The following CFI variants were observed in gnomAD, a reference collection of about 807,000 sequenced individuals.
CFI encodes C3B/C4B inactivator.
In CFI, 66 loss-of-function variants were observed where a neutral mutation model predicts 78.8. The ratio of observed to expected loss-of-function variants is 0.84; its 90% confidence interval spans 0.69 to 1.03. CFI has a LOEUF of 1.03. Among genes scored for constraint, CFI ranks in the 50% least tolerant of loss-of-function variants. The probability of loss-of-function intolerance (pLI) is 0.00; values close to 1 mark genes in which losing one functional copy is unlikely to be tolerated. For missense variants in CFI, 706 were observed against 704.5 expected (o/e 1.00, Z -0.02); for synonymous variants, 250 against 232.6 (o/e 1.07, Z -0.68).
intron 1 of CFI, among the ~76,000 whole-genome samples, chr4:109,783,761 C>T (rs965387580): frequency 3.4e-5 from 5 of 148,692 alleles, no homozygotes; most frequent in Admixed American, 6.9e-5. Flanking sequence ...ATTGCAAAAT[C>T]GCAGAGCCAA....
intron 2 of CFI, among the ~76,000 whole-genome samples, chr4:109,764,986 G>A (rs985604858): frequency 6.6e-6 from 1 of 152,192 alleles, no homozygotes; most frequent in African/African-American, 2.4e-5. Context: ...TGGCCCAAGT[G>A]ATGAAGCCAG....
the CFI span, among the ~76,000 whole-genome samples, chr4:109,734,889 T>A: frequency 6.6e-6 from 1 of 152,222 alleles, no homozygotes; most frequent in Non-Finnish European, 1.5e-5. Flanking sequence ...TTGTGCTTAT[T>A]CTTGTCTGAA....
chr4:109,756,929 G>GAAAGAAAGAAAGAA (rs1561297761), intron 7 of CFI, among the ~76,000 whole-genome samples: 7 of 144,240 alleles, frequency 4.9e-5, no homozygotes, highest in African/African-American at 1.8e-4. Context: ...AAGAAAGAAA[G>GAAAGAAAGAAAGAA]AAAGAAAGAA....
chr4:109,743,859 A>G (rs61137782), intron 11 of CFI, among the ~76,000 whole-genome samples: 2,365 of 152,038 alleles, frequency 0.016, 70 homozygotes, highest in African/African-American at 0.054. Flanking sequence ...TTAGCCAGGC[A>G]TGGTGGTCCC....
At chr4:109,755,039 T>C (rs1202507536) in intron 7 of CFI, among the ~76,000 whole-genome samples, 2 of 152,064 alleles carry the variant, frequency 1.3e-5, no homozygotes, top group Non-Finnish European at 2.9e-5. Flanking sequence ...AAACTGACAA[T>C]GGACTAATTT....
intron 1 of CFI, among the ~76,000 whole-genome samples, chr4:109,789,352 A>G (rs1459509120): frequency 6.6e-6 from 1 of 151,998 alleles, no homozygotes; most frequent in African/African-American, 2.4e-5. Flanking sequence ...CAGGAGAATC[A>G]TGAAGGAAAT....
chr4:109,775,277 G>T (rs1015628106), intron 1 of CFI, among the ~76,000 whole-genome samples: 2 of 152,132 alleles, frequency 1.3e-5, no homozygotes, highest in African/African-American at 4.8e-5. Context: ...GATGGTACCT[G>T]GAAAATTGGG....
chr4:109,775,103 C>T (rs1294417220), intron 1 of CFI, among the ~76,000 whole-genome samples: 2 of 152,128 alleles, frequency 1.3e-5, no homozygotes, highest in Non-Finnish European at 1.5e-5. Flanking sequence ...GTGAGCGACG[C>T]AGAAGACGGG....
intron 1 of CFI, among the ~76,000 whole-genome samples, chr4:109,801,712 A>G (rs1732785944): frequency 6.6e-6 from 1 of 152,214 alleles, no homozygotes; most frequent in Non-Finnish European, 1.5e-5. Flanking sequence ...TGCATATATA[A>G]GCACATAAAA....
In CFI at chr4:109,746,250, G is replaced by A; in HGVS notation, c.1401C>T (p.Cys467=). Residue 467 remains cysteine (C), a synonymous_variant, in exon 11 of 13, where the codon TGC becomes TGT. Transcript: ENST00000394634. ...SPYLFQPNDT[C]IVSGWGREKD... ...TTTCTCGTCCCCAGCCAGAAACGAT[G>A]CATGTATCATTAGGTTGGAATAGGT... 2 of 1,614,040 alleles carry A rather than the reference G, an allele frequency of 1.2e-6. No individual in the cohort carries two copies. The highest frequency in any genetic ancestry group is 1.7e-5 in the Admixed American group (1 of 59,994).
chr4:109,801,911 T>C lies in CFI; in HGVS notation c.57+4A>G, dbSNP rs757464411. 63 of 1,600,058 alleles carry C rather than the reference T, an allele frequency of 3.9e-5. No individual in the cohort carries two copies. Among genetic ancestry groups the C allele is most frequent in the Non-Finnish European group, 6.8e-6 (8 of 1,168,202 alleles). On this transcript the variant is annotated splice_donor_region_variant and intron_variant, in intron 1 of 12. Coordinates refer to ENST00000394634, the MANE Select transcript of CFI (RefSeq NM_000204.5). ...ATTGTTTGCATAAAGGTTGAATTAC[T>C]TACCTTGCAAAACCTTAAGTGGAAG... is the stretch of plus-strand genomic sequence containing the variant.
chr4:109,766,883 T>G lies in CFI; in HGVS notation c.58-59A>C. The G allele has an allele frequency of 1.9e-6, 3 of 1,571,414 alleles. No individual in the cohort carries two copies. The South Asian group carries it at 3.3e-5, about 18-fold the overall frequency. ...CAAATTAAAGACTCCTGTTTGAAGA[T>G]GAGTAAGTGAAGGAAAAGAGCAAAA... On this transcript the variant is annotated intron_variant, in intron 1 of 12. Transcript: ENST00000394634.
chr4:109,784,449 G>A (rs1730496999), intron 1 of CFI, among the ~76,000 whole-genome samples: 4 of 151,978 alleles, frequency 2.6e-5, no homozygotes, highest in South Asian at 4.1e-4. Context: ...ATATACATGC[G>A]CTTGATTAAG....
intron 1 of CFI, among the ~76,000 whole-genome samples, chr4:109,786,871 C>G (rs1730815225): frequency 6.6e-6 from 1 of 152,080 alleles, no homozygotes; most frequent in African/African-American, 2.4e-5. Flanking sequence ...ATAGCCCCTC[C>G]TTGTTCTATC....
At chr4:109,741,172 C>G in intron 12 of CFI, 62 bp from the exon 13 acceptor site, 1 of 1,610,632 alleles carries the variant, frequency 6.2e-7, no homozygotes, top group Non-Finnish European at 8.5e-7. Flanking sequence ...GGCTGCCATG[C>G]CTCCTCCATG....
At chr4:109,777,809 G>C (rs564983958) in intron 1 of CFI, among the ~76,000 whole-genome samples, 1 of 152,192 alleles carries the variant, frequency 6.6e-6, no homozygotes, top group South Asian at 2.1e-4. Context: ...AATCAAACTA[G>C]AACTCAGGAT....
chr4:109,735,808 A>G (rs1225647921), downstream of CFI, among the ~76,000 whole-genome samples: 1 of 152,274 alleles, frequency 6.6e-6, no homozygotes, highest in African/African-American at 2.4e-5. Flanking sequence ...GAACAAAGAC[A>G]GCACTTGACT....
intron 1 of CFI, among the ~76,000 whole-genome samples, chr4:109,775,079 C>T (rs1729048873): frequency 1.3e-5 from 2 of 152,150 alleles, no homozygotes; most frequent in African/African-American, 4.8e-5. Context: ...CAGCTCCAGT[C>T]TGCAGCTCCC....
downstream of CFI, among the ~76,000 whole-genome samples, chr4:109,739,012 T>C (rs1723545010): frequency 6.6e-6 from 1 of 152,194 alleles, no homozygotes; most frequent in South Asian, 2.1e-4. Flanking sequence ...ATGGTGATAA[T>C]GATTGTACAA....
Sources: allele counts gnomAD v4.1 joint callset (sites outside exome capture counted in the v4.1 genomes callset), GRCh38; gene constraint gnomAD v4.1.1; transcripts MANE v1.5; gene names NCBI Gene and HGNC (gene_info 2026-07-23, HGNC 2026-07-21).